DEPDC1B: variants seen among roughly 807,000 people sequenced by gnomAD.
DEPDC1B encodes the protein DEP domain-containing protein 1B.
Under a neutral mutation model 66.5 loss-of-function variants are expected in DEPDC1B, and 51 were observed. That is an observed-to-expected ratio of 0.77 (90% CI 0.61 to 0.97). The LOEUF is 0.97. DEPDC1B is among the 50% of genes least tolerant of loss of function. The pLI is 0.00. For missense variants in DEPDC1B, 552 were observed against 637.1 expected (o/e 0.87, Z 1.44); for synonymous variants, 226 against 223.6 (o/e 1.01, Z -0.10).
At chr5:60,617,821 G>T (rs955240251) in intron 7 of DEPDC1B, among the ~76,000 whole-genome samples, 7 of 152,004 alleles carry the variant, frequency 4.6e-5, no homozygotes, top group South Asian at 2.1e-4. Flanking sequence ...CCACCCCAAA[G>T]CAACAGAATA....
At chr5:60,656,516 A>C (rs539711977) in intron 2 of DEPDC1B, among the ~76,000 whole-genome samples, 2 of 152,170 alleles carry the variant, frequency 1.3e-5, no homozygotes, top group Non-Finnish European at 2.9e-5. Context: ...GGAGTACTGA[A>C]GTCCCCCACT....
intron 9 of DEPDC1B, among the ~76,000 whole-genome samples, chr5:60,600,906 A>G (rs981214727): frequency 1.3e-5 from 2 of 152,236 alleles, no homozygotes; most frequent in East Asian, 1.9e-4. Context: ...TGTAGTTCCC[A>G]TAATCCCCTT....
chr5:60,629,650 A>G (rs953118955), intron 7 of DEPDC1B, among the ~76,000 whole-genome samples: 2 of 152,186 alleles, frequency 1.3e-5, no homozygotes, highest in African/African-American at 2.4e-5. Context: ...AGTCAAATTC[A>G]TGTCTTCTAT....
chr5:60,669,429 A>T (rs1753978598), intron 2 of DEPDC1B, among the ~76,000 whole-genome samples: 1 of 152,182 alleles, frequency 6.6e-6, no homozygotes, highest in African/African-American at 2.4e-5. Context: ...AATACAAAAA[A>T]ACACAGCCAG....
In DEPDC1B at chr5:60,640,654, T is replaced by C. The variant is rs139373177; in HGVS notation, c.758-1764A>G. 5.0e-4 allele frequency among the ~76,000 whole-genome samples: 76 copies of C among 152,316 alleles called. No individual in the cohort carries two copies. The East Asian group carries it at 0.014, about 28-fold the overall frequency. ...AGCCAGCATTGAGGCTGGCCAACAA[T>C]GAATGTATACAGGCCCATGTGCACA... is the stretch of plus-strand genomic sequence containing the variant. On this transcript the variant is annotated intron_variant, in intron 6 of 10. Transcript: ENST00000265036.
rs779748238 is a variant in DEPDC1B, at chr5:60,605,698, G to A, written c.1057C>T (p.Arg353Ter). The A allele has an allele frequency of 1.6e-5, 25 of 1,609,514 alleles. No homozygotes were observed. The highest frequency in any genetic ancestry group is 8.4e-5 in the Admixed American group (5 of 59,422). Residue 353 changes from arginine (R) to a stop codon, truncating the protein, a stop_gained, in exon 8 of 11, where the codon CGA (arginine) becomes TGA (stop). Coordinates refer to ENST00000265036, the MANE Select transcript of DEPDC1B (RefSeq NM_018369.3). LOFTEE classifies it high-confidence loss of function. Reference sequence around the variant, plus strand: ...GTTAAAAATCAACCTACCAGTGTTCGGGTACCAAAGCCATCACACAGGGGT... The same window carrying A: ...GTTAAAAATCAACCTACCAGTGTTCAGGTACCAAAGCCATCACACAGGGGT... ...MPPLCDGFGTRTLMVQTFSRC... is the reference protein window; with the variant it reads ...MPPLCDGFGT
chr5:60,668,993 A>G (rs1437509667), intron 2 of DEPDC1B, among the ~76,000 whole-genome samples: 1 of 152,218 alleles, frequency 6.6e-6, no homozygotes, highest in Non-Finnish European at 1.5e-5. Flanking sequence ...TCTAGAACAA[A>G]TTACACATTT....
intron 3 of DEPDC1B, among the ~76,000 whole-genome samples, 157 bp downstream of exon 3, chr5:60,647,241 T>C (rs554206019): frequency 6.6e-6 from 1 of 152,268 alleles, no homozygotes; most frequent in African/African-American, 2.4e-5. Context: ...AGTCATTCTT[T>C]CCTTGTTACT....
rs922525848 is a variant in DEPDC1B, at chr5:60,655,884, C to T, written c.315-8351G>A. ...ATTTTGTTATTGACCCAACAATAAT[C>T]CAGGAGCAGGTTATTTAATTTCCAT... On this transcript the variant is annotated intron_variant, in intron 2 of 10. Coordinates refer to ENST00000265036, the MANE Select transcript of DEPDC1B (RefSeq NM_018369.3). Among the ~76,000 whole-genome samples, 24 of 149,038 alleles carry T rather than the reference C, an allele frequency of 1.6e-4. 3 individuals carry two copies. The highest frequency in any genetic ancestry group is 5.8e-4 in the African/African-American group (23 of 39,526).
intron 7 of DEPDC1B, among the ~76,000 whole-genome samples, chr5:60,614,739 C>A (rs1387548939): frequency 6.6e-6 from 1 of 152,176 alleles, no homozygotes; most frequent in South Asian, 2.1e-4. Context: ...GCCTGTAATC[C>A]CAGCACTTTG....
At chr5:60,653,318 T>C (rs535455889) in intron 2 of DEPDC1B, among the ~76,000 whole-genome samples, 6 of 149,386 alleles carry the variant, frequency 4.0e-5, no homozygotes, top group Non-Finnish European at 7.4e-5. Flanking sequence ...TGGTATCACA[T>C]TGCGGTTTTG....
chr5:60,608,120 G>A (rs1300778908), intron 7 of DEPDC1B, among the ~76,000 whole-genome samples: 1 of 152,214 alleles, frequency 6.6e-6, no homozygotes, highest in Non-Finnish European at 1.5e-5. Context: ...AAGACACACA[G>A]TATGCTGATG....
chr5:60,667,646 GGATATTTTACATGTATATAA>G (rs1753885286), intron 2 of DEPDC1B, among the ~76,000 whole-genome samples: 1 of 104,084 alleles, frequency 9.6e-6, no homozygotes, highest in African/African-American at 3.1e-5. Context: ...TATGAAAAAT[GGATATTTTACATGTATATAA>G]TGGATATTTT....
In DEPDC1B at chr5:60,632,459, C is replaced by T. The variant is rs991021907; in HGVS notation, c.898+6291G>A. Among the ~76,000 whole-genome samples the T allele has an allele frequency of 5.3e-5, 8 of 152,262 alleles. No individual in the cohort carries two copies. In the East Asian group the frequency reaches 1.5e-3, roughly 29 times the overall value. The stretch of plus-strand genomic sequence containing the variant: ...CCCAAATCCTGCAACCTCCACCCAT[C>T]TGGCCAGAGCGCCCCCTCTGCGAAG... On this transcript the variant is annotated intron_variant, in intron 7 of 10. Transcript: ENST00000265036.
chr5:60,616,225 A>C (rs1430685677), intron 7 of DEPDC1B, among the ~76,000 whole-genome samples: 1 of 152,218 alleles, frequency 6.6e-6, no homozygotes, highest in African/African-American at 2.4e-5. Context: ...AACTCTAAAA[A>C]TCAGAGCACC....
Position 60,603,429 on chromosome 5 carries a change from A to G in DEPDC1B, c.1204T>C (p.Ser402Pro). 2 of 1,610,704 alleles carry G rather than the reference A, an allele frequency of 1.2e-6. No individual in the cohort carries two copies. Among genetic ancestry groups the G allele is most frequent in the African/African-American group, 2.7e-5 (2 of 74,834 alleles). The stretch of plus-strand genomic sequence containing the variant: ...AGATGAGCCACACGCTCCTCTATAG[A>G]GGTCTGCAAGGCCAAAGGGACTTTC... ...ILKVPLALQTSIEERVAHLRR... is the reference protein window; with the variant it reads ...ILKVPLALQTPIEERVAHLRR... The change falls in exon 9 of 11, where the codon TCT becomes CCT. Residue 402 changes from serine to proline, a missense_variant. Physicochemically the swap from Ser to Pro is moderately conservative, Grantham distance 74 (BLOSUM62 -1). Coordinates refer to ENST00000265036, the MANE Select transcript of DEPDC1B (RefSeq NM_018369.3).
intron 7 of DEPDC1B, among the ~76,000 whole-genome samples, chr5:60,614,602 G>A (rs573524581): frequency 4.1e-4 from 62 of 152,202 alleles, no homozygotes; most frequent in African/African-American, 1.4e-3. Flanking sequence ...ATATTTAGAT[G>A]TAATATGTTT....
intron 1 of DEPDC1B, among the ~76,000 whole-genome samples, chr5:60,694,795 C>T (rs1166553405): frequency 6.6e-6 from 1 of 152,188 alleles, no homozygotes; most frequent in Non-Finnish European, 1.5e-5. Context: ...ATCCTCACAA[C>T]AAAGACCAGT....
chr5:60,618,837 A>G (rs1470001170), intron 7 of DEPDC1B, among the ~76,000 whole-genome samples: 1 of 152,204 alleles, frequency 6.6e-6, no homozygotes, highest in African/African-American at 2.4e-5. Context: ...CACAACAAAA[A>G]AAGAGAATTT....
Sources: allele counts gnomAD v4.1 joint callset (sites outside exome capture counted in the v4.1 genomes callset), GRCh38; gene constraint gnomAD v4.1.1; transcripts MANE v1.5; gene names NCBI Gene and HGNC (gene_info 2026-07-23, HGNC 2026-07-21).